UGT1A10: variants seen among roughly 807,000 people sequenced by gnomAD.
UGT1A10 encodes UDP-glucuronosyltransferase 1A10.
UGT1A10 carries 49 observed loss-of-function variants against 45.8 expected under a neutral mutation model. The observed-to-expected ratio is 1.07, with a 90% CI of 0.85 to 1.36. The LOEUF (loss-of-function observed/expected upper bound fraction) is 1.36, where lower values mean the gene tolerates loss of function less well. Ranked by LOEUF, UGT1A10 falls within the 40% of genes most tolerant of loss-of-function variation. The pLI, the probability that UGT1A10 is intolerant of heterozygous loss-of-function variation, is 0.00. For missense variants in UGT1A10, 745 were observed against 668.6 expected (o/e 1.11, Z -1.26); for synonymous variants, 284 against 249.7 (o/e 1.14, Z -1.29).
chr2:233,679,239 AAG>A (rs2074446105), intron 1 of UGT1A10, among the ~76,000 whole-genome samples: 1 of 152,220 alleles, frequency 6.6e-6, no homozygotes, highest in South Asian at 2.1e-4. Flanking sequence ...CCAATATCGA[AAG>A]AACTTTAAAA....
rs542172440 is a variant in UGT1A10 at position 233,772,689 on chromosome 2, A to C, written c.*130A>C. ...CTTTGCATAAATTAATCAGCCCCAG[A>C]GTGCTTTAAAAAATTCTCTTAAATA... On this transcript the variant is annotated 3_prime_UTR_variant, in exon 5 of 5. Transcript: ENST00000344644. 4.0e-6 allele frequency: 6 copies of C among 1,492,458 alleles called. No homozygotes were observed. In the African/African-American group the frequency reaches 8.5e-5, roughly 21 times the overall value. 92.5% of individuals were successfully genotyped at this position (1,492,458 alleles called of 1,614,324 possible). A position where few individuals can be genotyped will look rare whatever the true frequency, so the allele number is the denominator to read the frequency against.
chr2:233,760,873 C>G, intron 1 of UGT1A10: 1 of 1,614,194 alleles, frequency 6.2e-7, no homozygotes, highest in South Asian at 1.1e-5. Context: ...CGTGCCCAGG[C>G]CTCTCTCCTC....
intron 1 of UGT1A10, among the ~76,000 whole-genome samples, chr2:233,670,361 T>A (rs1480339630): frequency 6.6e-6 from 1 of 152,256 alleles, no homozygotes; most frequent in South Asian, 2.1e-4. Flanking sequence ...AATTACATCA[T>A]AATTATTATT....
intron 1 of UGT1A10, chr2:233,741,493 A>C (rs1327060039): frequency 1.3e-5 from 2 of 151,862 alleles, no homozygotes; most frequent in Non-Finnish European, 2.9e-5. Context: ...ATGTACAAAA[A>C]ACTGAACTCA....
intron 4 of UGT1A10, chr2:233,770,769 A>G (rs771897694): frequency 2.6e-5 from 4 of 152,220 alleles, no homozygotes; most frequent in Non-Finnish European, 2.9e-5. Flanking sequence ...CATTATAATA[A>G]TGTTTCCAAA....
intron 1 of UGT1A10, chr2:233,760,580 A>T (rs1277566287): frequency 6.2e-7 from 1 of 1,614,094 alleles, no homozygotes; most frequent in African/African-American, 1.3e-5. Flanking sequence ...CTCGGGCATA[A>T]TGTTTTTGAG....
rs1025205090 is a variant in UGT1A10, at chr2:233,748,083, G to A, written c.856-18951G>A. 35 of 1,612,864 alleles carry A rather than the reference G, an allele frequency of 2.2e-5. No homozygotes were observed. In the Middle Eastern group the frequency reaches 5.0e-4, roughly 23 times the overall value. On this transcript the variant is annotated intron_variant, in intron 1 of 4. Transcript: ENST00000344644. ...CAACAGGAAGCCACTATCTCAGGTC[G>A]GTGTTCGTGCCTTCATCCAATCAAT... is the stretch of plus-strand genomic sequence containing the variant.
intron 1 of UGT1A10, among the ~76,000 whole-genome samples, chr2:233,728,144 G>T (rs577177228): frequency 2.0e-5 from 3 of 152,328 alleles, no homozygotes; most frequent in South Asian, 4.2e-4. Flanking sequence ...CCCACAAATT[G>T]TGCAGCCCAT....
intron 1 of UGT1A10, among the ~76,000 whole-genome samples, chr2:233,683,303 T>C (rs779874112): frequency 2.6e-5 from 4 of 152,174 alleles, no homozygotes; most frequent in Non-Finnish European, 1.5e-5. Context: ...TACAGGTCAA[T>C]GCATACAGAT....
At chr2:233,677,001 T>G (rs970959600) in intron 1 of UGT1A10, among the ~76,000 whole-genome samples, 6 of 152,176 alleles carry the variant, frequency 3.9e-5, no homozygotes, top group Non-Finnish European at 8.8e-5. Flanking sequence ...CCTCTAATTT[T>G]TTTTTTCAAA....
chr2:233,761,750 G>A (rs1428006312), intron 1 of UGT1A10, among the ~76,000 whole-genome samples: 1 of 152,244 alleles, frequency 6.6e-6, no homozygotes, highest in Non-Finnish European at 1.5e-5. Context: ...AGAGTTTGAA[G>A]TATGCAAAAA....
At chr2:233,644,661 A>G (rs758730279) in intron 1 of UGT1A10, among the ~76,000 whole-genome samples, 6 of 152,212 alleles carry the variant, frequency 3.9e-5, no homozygotes, top group Admixed American at 6.5e-5. Context: ...CTAACAGAAT[A>G]GCACTGATTT....
At chr2:233,742,777 T>A (rs1286853753) in intron 1 of UGT1A10, 2 of 153,196 alleles carry the variant, frequency 1.3e-5, no homozygotes, top group African/African-American at 4.8e-5. Context: ...CATGTTGTTT[T>A]GAACCATCAT....
intron 1 of UGT1A10, among the ~76,000 whole-genome samples, chr2:233,640,097 A>C (rs113910051): frequency 9.6e-4 from 146 of 152,324 alleles, no homozygotes; most frequent in African/African-American, 3.4e-3. Flanking sequence ...CATTGCTCTA[A>C]GATTCTGGCT....
intron 1 of UGT1A10, among the ~76,000 whole-genome samples, chr2:233,710,720 A>T (rs1249058463): frequency 2.0e-5 from 3 of 152,188 alleles, no homozygotes; most frequent in African/African-American, 7.2e-5. Context: ...TTCATTTTTT[A>T]AAAAACAACG....
chr2:233,748,002 G>C (rs1380342969), intron 1 of UGT1A10: 18 of 1,613,382 alleles, frequency 1.1e-5, no homozygotes, highest in Non-Finnish European at 1.4e-5. Flanking sequence ...CTTTGTGATG[G>C]ATTACCCCAG....
chr2:233,707,397 T>C (rs911448134), intron 1 of UGT1A10, among the ~76,000 whole-genome samples: 1 of 152,214 alleles, frequency 6.6e-6, no homozygotes, highest in Non-Finnish European at 1.5e-5. Context: ...CTATTCTTTT[T>C]GATGTTCTCT....
At chr2:233,731,154 A>G (rs2125760855) in intron 1 of UGT1A10, among the ~76,000 whole-genome samples, 1 of 152,228 alleles carries the variant, frequency 6.6e-6, no homozygotes, top group East Asian at 1.9e-4. Context: ...TTTCTTTTTG[A>G]TCAAACGACA....
chr2:233,668,526 G>A (rs1269531403), intron 1 of UGT1A10, among the ~76,000 whole-genome samples: 1 of 152,178 alleles, frequency 6.6e-6, no homozygotes, highest in African/African-American at 2.4e-5. Context: ...ACGTGTGCAT[G>A]TGTCTTTATA....
Sources: allele counts gnomAD v4.1 joint callset (sites outside exome capture counted in the v4.1 genomes callset), GRCh38; gene constraint gnomAD v4.1.1; transcripts MANE v1.5; gene names NCBI Gene and HGNC (gene_info 2026-07-23, HGNC 2026-07-21).